The following NELL2 variants were observed in gnomAD, a reference collection of about 807,000 sequenced individuals.
NELL2 encodes protein kinase C-binding protein NELL2.
A neutral mutation model predicts 109.6 loss-of-function variants in NELL2; 41 were observed. The observed-to-expected ratio is 0.37, with a 90% CI of 0.29 to 0.49. The LOEUF is 0.49. Ranked by LOEUF, NELL2 falls within the 20% of genes least tolerant of loss-of-function variation. The pLI, the probability that NELL2 is intolerant of heterozygous loss-of-function variation, is 0.98. For missense variants in NELL2, 900 were observed against 1,008.3 expected (o/e 0.89, Z 1.45); for synonymous variants, 355 against 344.7 (o/e 1.03, Z -0.33).
At chr12:44,641,484 A>G (rs1946851758) in intron 13 of NELL2, among the ~76,000 whole-genome samples, 1 of 152,168 alleles carries the variant, frequency 6.6e-6, no homozygotes, top group African/African-American at 2.4e-5. Flanking sequence ...AAACCATGTG[A>G]TCAAAATGCC....
At chr12:44,656,193 C>A (rs1050867397) in intron 13 of NELL2, among the ~76,000 whole-genome samples, 1 of 152,090 alleles carries the variant, frequency 6.6e-6, no homozygotes, top group African/African-American at 2.4e-5. Flanking sequence ...TATTGTGAAA[C>A]CCTGAATGTT....
chr12:44,889,616 G>T (rs1190981560), intron 1 of NELL2, among the ~76,000 whole-genome samples: 1 of 151,952 alleles, frequency 6.6e-6, no homozygotes, highest in Non-Finnish European at 1.5e-5. Context: ...AACGTGAAAG[G>T]CTAAATACCA....
chr12:44,555,903 C>A (rs1943233798), intron 15 of NELL2, among the ~76,000 whole-genome samples: 2 of 152,104 alleles, frequency 1.3e-5, no homozygotes, highest in Admixed American at 1.3e-4. Context: ...CACCAGGCAC[C>A]AGAGATCTGG....
chr12:44,891,687 C>T (rs1487157922), intron 1 of NELL2, among the ~76,000 whole-genome samples: 2 of 152,042 alleles, frequency 1.3e-5, no homozygotes, highest in African/African-American at 4.8e-5. Context: ...TCCCACTAGA[C>T]TGAAAGCTCT....
rs533239547 is a variant in NELL2, at chr12:44,531,225, T to C, written c.1804+1356A>G. ...CATACTCAGCTTTAATCCATATACA[T>C]GCTTCTGTATGATTTGCATTATTTA... On this transcript the variant is annotated intron_variant, in intron 16 of 19. Transcript: ENST00000429094. Among the ~76,000 whole-genome samples the C allele has an allele frequency of 3.9e-5, 6 of 152,366 alleles. No homozygotes were observed. The South Asian group carries it at 1.0e-3, about 26-fold the overall frequency.
intron 13 of NELL2, among the ~76,000 whole-genome samples, chr12:44,644,540 C>A: frequency 7.1e-6 from 1 of 140,466 alleles, no homozygotes; most frequent in African/African-American, 2.6e-5. Context: ...TCTGAAGGAC[C>A]TAATAAACCC....
intron 13 of NELL2, among the ~76,000 whole-genome samples, chr12:44,661,952 C>T (rs1947758256): frequency 6.6e-6 from 1 of 151,516 alleles, no homozygotes; most frequent in Non-Finnish European, 1.5e-5. Flanking sequence ...CCTCCTGCTC[C>T]TCTCTCTCTC....
intron 15 of NELL2, among the ~76,000 whole-genome samples, chr12:44,581,845 A>C (rs1375743654): frequency 6.6e-6 from 1 of 152,216 alleles, no homozygotes; most frequent in Non-Finnish European, 1.5e-5. Context: ...AAAAAGAAAG[A>C]TGAAATTAGG....
At position 44,584,419 on chromosome 12, in the gene NELL2, T is replaced by C. The variant is rs116365202; in HGVS notation, c.1663+22750A>G. Among the ~76,000 whole-genome samples, 586 of 152,338 alleles carry C rather than the reference T, an allele frequency of 3.8e-3. 4 individuals are homozygous for C. The highest frequency in any genetic ancestry group is 0.013 in the African/African-American group (554 of 41,574). ...AAACAGTCATGCAATTGGAGACCTC[T>C]TGTTACGACACTCTTTGTGCCAACA... is the stretch of plus-strand genomic sequence containing the variant. On this transcript the variant is annotated intron_variant, in intron 15 of 19. Transcript: ENST00000429094.
intron 1 of NELL2, among the ~76,000 whole-genome samples, chr12:44,901,915 G>A (rs551340859): frequency 6.6e-6 from 1 of 152,060 alleles, no homozygotes; most frequent in African/African-American, 2.4e-5. Flanking sequence ...AATAATAAGA[G>A]CTATTTATGA....
rs571365959 is a variant in NELL2 at position 44,602,944 on chromosome 12, T to C, written c.1663+4225A>G. ...TAACTTTTTTCTAACAAAAATAATTTCTATTATCCATACTATAACAGTAAT... is the reference window on the plus strand; with the variant it reads ...TAACTTTTTTCTAACAAAAATAATTCCTATTATCCATACTATAACAGTAAT... On this transcript the variant is annotated intron_variant, in intron 15 of 19. Transcript: ENST00000429094. Among the ~76,000 whole-genome samples the C allele has an allele frequency of 7.9e-4, 121 of 152,218 alleles. 2 individuals are homozygous for C. The South Asian group carries it at 0.01, about 13-fold the overall frequency.
At chr12:44,751,830 G>A (rs1940666081) in intron 9 of NELL2, among the ~76,000 whole-genome samples, 1 of 152,092 alleles carries the variant, frequency 6.6e-6, no homozygotes, top group African/African-American at 2.4e-5. Context: ...CTAAGCTTTA[G>A]TTATTTGGGG....
intron 1 of NELL2, among the ~76,000 whole-genome samples, chr12:44,898,598 A>C (rs1325605463): frequency 1.3e-5 from 2 of 152,166 alleles, no homozygotes; most frequent in African/African-American, 4.8e-5. Flanking sequence ...AACCCCATCC[A>C]AAGGTCACCA....
At chr12:44,571,414 T>C (rs1943868449) in intron 15 of NELL2, among the ~76,000 whole-genome samples, 1 of 152,162 alleles carries the variant, frequency 6.6e-6, no homozygotes. Context: ...TGGGTTGAAA[T>C]GGTATATGGT....
intron 15 of NELL2, among the ~76,000 whole-genome samples, chr12:44,549,333 T>C (rs1942934131): frequency 6.6e-6 from 1 of 152,260 alleles, no homozygotes; most frequent in Non-Finnish European, 1.5e-5. Flanking sequence ...ACTGCCAGTC[T>C]CTTATTATTC....
intron 15 of NELL2, among the ~76,000 whole-genome samples, chr12:44,560,991 T>C (rs1444793099): frequency 6.6e-6 from 1 of 152,212 alleles, no homozygotes; most frequent in East Asian, 1.9e-4. Context: ...CATGATCAAG[T>C]CGGCTTCATC....
intron 3 of NELL2, among the ~76,000 whole-genome samples, chr12:44,790,009 T>C (rs1447903052): frequency 6.6e-6 from 1 of 152,146 alleles, no homozygotes; most frequent in Non-Finnish European, 1.5e-5. Context: ...ATAGTTGGTG[T>C]TCTTGAGGAA....
intron 2 of NELL2, among the ~76,000 whole-genome samples, chr12:44,856,719 T>C (rs1235814139): frequency 6.6e-6 from 1 of 151,984 alleles, no homozygotes; most frequent in Non-Finnish European, 1.5e-5. Flanking sequence ...GTCAGAAAAG[T>C]AAAAGGGTGG....
intron 19 of NELL2, among the ~76,000 whole-genome samples, chr12:44,510,426 A>C (rs2138953623): frequency 6.6e-6 from 1 of 152,350 alleles, no homozygotes; most frequent in African/African-American, 2.4e-5. Flanking sequence ...TACATCCTCC[A>C]TTATATAGTT....
Sources: gnomAD v4.1 joint callset for allele counts (sites outside exome capture counted in the v4.1 genomes callset) on GRCh38, gnomAD v4.1.1 for gene constraint, MANE v1.5 for transcripts, NCBI Gene and HGNC (gene_info 2026-07-23, HGNC 2026-07-21) for gene names.